Variants in NRIP1 observed in about 807,000 individuals in gnomAD.
NRIP1 encodes the protein nuclear receptor-interacting protein 1.
NRIP1 carries 28 observed loss-of-function variants against 75.0 expected under a neutral mutation model. The ratio of observed to expected loss-of-function variants is 0.37; its 90% CI spans 0.28 to 0.51. The LOEUF is 0.51. NRIP1 is among the 20% of genes least tolerant of loss of function. NRIP1 has a pLI of 0.92. For missense variants in NRIP1, 1,435 were observed against 1,343.7 expected (o/e 1.07, Z -1.06); for synonymous variants, 526 against 487.6 (o/e 1.08, Z -1.04).
intron 1 of NRIP1, among the ~76,000 whole-genome samples, chr21:15,055,754 G>GGTCT (rs775482340): frequency 3.9e-5 from 6 of 152,066 alleles, no homozygotes; most frequent in African/African-American, 7.2e-5. Flanking sequence ...GACCATCCTA[G>GGTCT]GTCTACCCAA....
chr21:14,962,642 T>G lies in NRIP1; in HGVS notation c.*2074A>C, dbSNP rs2822988. 51,118 of 152,248 alleles carry G rather than the reference T, an allele frequency of 0.34. 8,793 individuals carry two copies. Among genetic ancestry groups the G allele is most frequent in the African/African-American group, 0.36 (14,976 of 41,430 alleles). 9.4% of individuals were successfully genotyped at this position (152,248 alleles called of 1,614,324 possible). On this transcript the variant is annotated 3_prime_UTR_variant, in exon 4 of 4. Transcript: ENST00000318948. ...TATAGTGTTGACAATAAGATTGTCA[T>G]AGTATGGACATGGAATAGAATATAT...
chr21:15,006,620 A>G (rs1203434309), intron 3 of NRIP1, among the ~76,000 whole-genome samples: 1 of 152,204 alleles, frequency 6.6e-6, no homozygotes, highest in Non-Finnish European at 1.5e-5. Context: ...ACAGAATTTA[A>G]TAAGGTCTAA....
At chr21:15,012,539 C>T (rs1314440293) in intron 3 of NRIP1, among the ~76,000 whole-genome samples, 3 of 148,188 alleles carry the variant, frequency 2.0e-5, no homozygotes, top group Non-Finnish European at 3.0e-5. Context: ...ACTGCAACCC[C>T]GACTGCCGAC....
At position 15,005,468 on chromosome 21, in the gene NRIP1, T is replaced by G. The variant is rs147485467; in HGVS notation, c.-335+8876A>C. 4.4e-3 allele frequency among the ~76,000 whole-genome samples: 677 copies of G among 152,246 alleles called. 4 individuals are homozygous for G. The highest frequency in any genetic ancestry group is 0.014 in the African/African-American group (599 of 41,542). The stretch of plus-strand genomic sequence containing the variant: ...TGAGGCAGTTTCACCGCATAATTTT[T>G]TTGTTGTTGTTGAATGTCACAGGGC... On this transcript the variant is annotated intron_variant, in intron 3 of 3. Coordinates refer to ENST00000318948, the MANE Select transcript of NRIP1 (RefSeq NM_003489.4).
At position 14,984,818 on chromosome 21, in the gene NRIP1, G is replaced by A. The variant is rs148665155; in HGVS notation, c.-334-16292C>T. The stretch of plus-strand genomic sequence containing the variant: ...ATTCTTCGGCAGCCATCAACATGGA[G>A]GCAAGGCCTCTACCAGAAGAAAGAT... On this transcript the variant is annotated intron_variant, in intron 3 of 3. Coordinates refer to ENST00000318948, the MANE Select transcript of NRIP1 (RefSeq NM_003489.4). Among the ~76,000 whole-genome samples, 302 of 152,306 alleles carry A rather than the reference G, an allele frequency of 2.0e-3. 3 individuals carry two copies. The highest frequency in any genetic ancestry group is 7.1e-3 in the African/African-American group (293 of 41,558).
intron 2 of NRIP1, among the ~76,000 whole-genome samples, chr21:15,017,253 T>G (rs930459054): frequency 1.3e-5 from 2 of 152,194 alleles, no homozygotes; most frequent in African/African-American, 2.4e-5. Context: ...GACGAGGATC[T>G]CGCTATGTTG....
chr21:14,988,517 G>GTGTA (rs1555883084), intron 3 of NRIP1, among the ~76,000 whole-genome samples: 350 of 142,432 alleles, frequency 2.5e-3, no homozygotes, highest in East Asian at 0.01. Context: ...GTGTGTGTGT[G>GTGTA]TATATATATA....
chr21:14,984,796 C>G lies in NRIP1; in HGVS notation c.-334-16270G>C, dbSNP rs74514671. ...AACCTTCAGCAACCTCCCCCTGATTCTTCGGCAGCCATCAACATGGAGGCA... is the reference window on the plus strand; with the variant it reads ...AACCTTCAGCAACCTCCCCCTGATTGTTCGGCAGCCATCAACATGGAGGCA... On this transcript the variant is annotated intron_variant, in intron 3 of 3. Transcript: ENST00000318948. 0.017 allele frequency among the ~76,000 whole-genome samples: 2,611 copies of G among 152,302 alleles called. 246 individuals are homozygous for G. The East Asian group carries it at 0.28, about 16-fold the overall frequency.
chr21:15,039,463 A>G (rs2088906342), intron 2 of NRIP1, among the ~76,000 whole-genome samples: 1 of 152,124 alleles, frequency 6.6e-6, no homozygotes, highest in Non-Finnish European at 1.5e-5. Context: ...TTAAAACCCA[A>G]TTTGGTGGCA....
upstream of NRIP1, among the ~76,000 whole-genome samples, chr21:15,065,570 A>T (rs1393892174): frequency 7.4e-6 from 1 of 134,408 alleles, no homozygotes; most frequent in Non-Finnish European, 1.6e-5. Context: ...TCACCCACCC[A>T]CCCCCAATTT....
intron 3 of NRIP1, among the ~76,000 whole-genome samples, chr21:14,987,055 T>G (rs958360841): frequency 2.0e-5 from 3 of 152,234 alleles, no homozygotes; most frequent in Admixed American, 1.3e-4. Flanking sequence ...TATCTCTGGA[T>G]ATCTAGCTTA....
intron 2 of NRIP1, among the ~76,000 whole-genome samples, chr21:15,038,768 A>C (rs910052913): frequency 6.6e-6 from 1 of 152,116 alleles, no homozygotes; most frequent in Middle Eastern, 3.4e-3. Flanking sequence ...AAACCTATAA[A>C]GGCAAATTTT....
At chr21:14,993,045 C>T (rs543214186) in intron 3 of NRIP1, among the ~76,000 whole-genome samples, 2 of 152,148 alleles carry the variant, frequency 1.3e-5, no homozygotes, top group East Asian at 3.9e-4. Context: ...ATGGTTAAAC[C>T]TTAAAATACC....
chr21:14,992,599 A>G (rs2087604110), intron 3 of NRIP1: 1 of 152,174 alleles, frequency 6.6e-6, no homozygotes, highest in Non-Finnish European at 1.5e-5. Context: ...TGATTTACCA[A>G]GTAAGATGTC....
chr21:15,024,743 A>G (rs2088476666), intron 2 of NRIP1, among the ~76,000 whole-genome samples: 1 of 152,076 alleles, frequency 6.6e-6, no homozygotes, highest in African/African-American at 2.4e-5. Flanking sequence ...GGGGAATTCG[A>G]GCCCAAGCTC....
chr21:14,979,368 A>G (rs2087166635), intron 3 of NRIP1, among the ~76,000 whole-genome samples: 1 of 152,164 alleles, frequency 6.6e-6, no homozygotes, highest in African/African-American at 2.4e-5. Context: ...TTGAGATGGG[A>G]GCATCAATCC....
chr21:15,059,259 A>G (rs2089373251), intron 1 of NRIP1, among the ~76,000 whole-genome samples: 1 of 152,218 alleles, frequency 6.6e-6, no homozygotes, highest in African/African-American at 2.4e-5. Flanking sequence ...TTTAAGACAC[A>G]TGGGGTCTCT....
At chr21:14,982,034 A>G (rs994903225) in intron 3 of NRIP1, among the ~76,000 whole-genome samples, 11 of 151,862 alleles carry the variant, frequency 7.2e-5, no homozygotes, top group African/African-American at 2.4e-4. Flanking sequence ...TGATTTTTGT[A>G]GGGACGGGTT....
chr21:15,004,879 C>G (rs754446434), intron 3 of NRIP1, among the ~76,000 whole-genome samples: 4 of 152,120 alleles, frequency 2.6e-5, no homozygotes, highest in Non-Finnish European at 2.9e-5. Context: ...AATAAAGAAG[C>G]ACTTTACTCA....
Sources: allele counts gnomAD v4.1 joint callset (sites outside exome capture counted in the v4.1 genomes callset), GRCh38; gene constraint gnomAD v4.1.1; transcripts MANE v1.5; gene names NCBI Gene and HGNC (gene_info 2026-07-23, HGNC 2026-07-21).